The following ARB2A variants were observed in gnomAD, a reference collection of about 807,000 sequenced individuals.
ARB2A encodes ARB2 cotranscriptional regulator A, also known as cotranscriptional regulator ARB2A.
chr5:93,624,767 A>C, the ARB2A span, among the ~76,000 whole-genome samples: 1 of 152,188 alleles, frequency 6.6e-6, no homozygotes, highest in African/African-American at 2.4e-5. Flanking sequence ...TGTAATTTGC[A>C]AGGCAGTACA....
chr5:94,033,263 G>A, the ARB2A span, among the ~76,000 whole-genome samples: 1 of 152,236 alleles, frequency 6.6e-6, no homozygotes, highest in Middle Eastern at 3.4e-3. Context: ...TTCTGCCATT[G>A]TATTTTGGAA....
At chr5:93,981,440 C>T in the ARB2A span, among the ~76,000 whole-genome samples, 3 of 151,978 alleles carry the variant, frequency 2.0e-5, no homozygotes, top group African/African-American at 7.2e-5. Flanking sequence ...TGTAGTTTTA[C>T]TTAATCCTAA....
the ARB2A span, among the ~76,000 whole-genome samples, chr5:93,893,307 G>C: frequency 6.6e-6 from 1 of 152,064 alleles, no homozygotes; most frequent in Non-Finnish European, 1.5e-5. Context: ...CAGCCAGCAG[G>C]AATCTATATC....
At chr5:93,968,038 T>C in the ARB2A span, among the ~76,000 whole-genome samples, 2 of 152,134 alleles carry the variant, frequency 1.3e-5, no homozygotes, top group African/African-American at 2.4e-5. Context: ...GCCTCTGACA[T>C]GCAGCTAAAG....
At chr5:93,801,157 A>C in the ARB2A span, among the ~76,000 whole-genome samples, 4 of 152,150 alleles carry the variant, frequency 2.6e-5, no homozygotes. Flanking sequence ...GGCTAGAAGC[A>C]CAGCTGGCAA....
At chr5:93,704,496 C>G in the ARB2A span, among the ~76,000 whole-genome samples, 1 of 152,284 alleles carries the variant, frequency 6.6e-6, no homozygotes, top group Middle Eastern at 3.4e-3. Flanking sequence ...CACAGGAGGT[C>G]AAGGCTGCAG....
At chr5:93,766,632 A>G in the ARB2A span, among the ~76,000 whole-genome samples, 85 of 152,242 alleles carry the variant, frequency 5.6e-4, no homozygotes, top group African/African-American at 1.8e-3. Flanking sequence ...TCAGTGTGGC[A>G]ATTCCTCAGG....
chr5:93,729,335 C>T, the ARB2A span, among the ~76,000 whole-genome samples: 2 of 152,112 alleles, frequency 1.3e-5, no homozygotes, highest in Admixed American at 6.6e-5. Flanking sequence ...AATTCTGAAT[C>T]TTTAGTGCCT....
At chr5:93,966,784 T>A in the ARB2A span, among the ~76,000 whole-genome samples, 1 of 152,078 alleles carries the variant, frequency 6.6e-6, no homozygotes, top group Non-Finnish European at 1.5e-5. Context: ...GTGTCTCACC[T>A]CTATTTGCCT....
chr5:93,974,791 T>C, the ARB2A span, among the ~76,000 whole-genome samples: 13 of 152,054 alleles, frequency 8.5e-5, no homozygotes, highest in African/African-American at 1.4e-4. Flanking sequence ...TCTCAGACCA[T>C]GGTGGAATAA....
the ARB2A span, among the ~76,000 whole-genome samples, chr5:93,806,351 A>T: frequency 6.6e-6 from 1 of 151,874 alleles, no homozygotes; most frequent in African/African-American, 2.4e-5. Flanking sequence ...AGCTTTTATA[A>T]TTTTTTCATA....
At chr5:93,767,609 G>A in the ARB2A span, among the ~76,000 whole-genome samples, 21 of 152,122 alleles carry the variant, frequency 1.4e-4, no homozygotes, top group South Asian at 1.5e-3. Flanking sequence ...TTGCAAAATC[G>A]TGGAACCAAC....
At chr5:94,049,543 C>CA in the ARB2A span, among the ~76,000 whole-genome samples, 4 of 148,394 alleles carry the variant, frequency 2.7e-5, no homozygotes, top group South Asian at 2.2e-4. Flanking sequence ...ACTAAAAGTA[C>CA]AAAAAAAAAT....
the ARB2A span, among the ~76,000 whole-genome samples, chr5:93,843,953 A>G: frequency 2.6e-5 from 4 of 152,080 alleles, no homozygotes; most frequent in Non-Finnish European, 4.4e-5. Context: ...TACCCAGTAT[A>G]ATGAATGAAA....
At chr5:93,773,710 T>G in the ARB2A span, among the ~76,000 whole-genome samples, 2 of 152,196 alleles carry the variant, frequency 1.3e-5, no homozygotes, top group Non-Finnish European at 2.9e-5. Context: ...CAGCATGTGC[T>G]CACTTTGTGT....
chr5:93,695,662 T>G, the ARB2A span, among the ~76,000 whole-genome samples: 1 of 152,208 alleles, frequency 6.6e-6, no homozygotes, highest in South Asian at 2.1e-4. Context: ...AAATACCATT[T>G]GACCCAGCAA....
At chr5:94,048,593 G>T in the ARB2A span, among the ~76,000 whole-genome samples, 1 of 152,138 alleles carries the variant, frequency 6.6e-6, no homozygotes, top group African/African-American at 2.4e-5. Context: ...ATGTTCTCAT[G>T]AAGTCCAATC....
chr5:93,948,086 A>C, the ARB2A span, among the ~76,000 whole-genome samples: 3 of 152,308 alleles, frequency 2.0e-5, no homozygotes, highest in South Asian at 2.1e-4. Flanking sequence ...AGGAATCGCC[A>C]CACTGACTTC....
At chr5:94,053,482 C>T in the ARB2A span, among the ~76,000 whole-genome samples, 3 of 152,010 alleles carry the variant, frequency 2.0e-5, no homozygotes, top group African/African-American at 7.2e-5. Context: ...TAACTTCTTC[C>T]CTTCAAAATA....
Sources: allele counts gnomAD v4.1 joint callset (sites outside exome capture counted in the v4.1 genomes callset), GRCh38; gene constraint gnomAD v4.1.1; transcripts MANE v1.5; gene names NCBI Gene and HGNC (gene_info 2026-07-23, HGNC 2026-07-21).